Variants in NEXMIF observed in about 807,000 individuals in gnomAD.
NEXMIF encodes the protein neurite extension and migration factor, also known as XLMR protein related to neurite extension.
Under a neutral mutation model 62.1 loss-of-function variants are expected in NEXMIF, and 8 were observed. The ratio of observed to expected loss-of-function variants is 0.13; its 90% CI spans 0.08 to 0.23. The LOEUF is 0.23. Ranked by LOEUF, NEXMIF falls within the 10% of genes least tolerant of loss-of-function variation. The pLI, the probability that NEXMIF is intolerant of heterozygous loss-of-function variation, is 1.00. For synonymous variants in NEXMIF, 404 were observed against 416.6 expected, an observed-to-expected ratio of 0.97 and a Z score of 0.37; for missense variants, 976 against 1,113.3, an observed-to-expected ratio of 0.88 and a Z score of 1.75.
chrX:74,787,723 G>C (rs567260657), intron 1 of NEXMIF, among the ~76,000 whole-genome samples: 2 of 111,991 alleles, frequency 1.8e-5, no homozygotes, highest in African/African-American at 3.2e-5. Flanking sequence ...GTTTTCCCCA[G>C]CTTACCTCTT....
chrX:74,751,621 C>A (rs993278337), intron 1 of NEXMIF, among the ~76,000 whole-genome samples: 1 of 97,270 alleles, frequency 1.0e-5, no homozygotes, highest in Non-Finnish European at 2.0e-5. Context: ...GCTACCATCA[C>A]GCCCTTCCTT....
intron 1 of NEXMIF, among the ~76,000 whole-genome samples, chrX:74,917,052 A>G (rs957708975): frequency 1.8e-5 from 2 of 111,574 alleles, no homozygotes; most frequent in East Asian, 5.6e-4. Flanking sequence ...GACAACAAGC[A>G]ATAAACATTT....
chrX:74,915,567 T>G (rs886606704), intron 1 of NEXMIF, among the ~76,000 whole-genome samples: 4 of 112,215 alleles, frequency 3.6e-5, no homozygotes, highest in Non-Finnish European at 5.6e-5. Flanking sequence ...AAATTGCAGA[T>G]AGAATTATGG....
rs748710524 is a variant in NEXMIF, at chrX:74,739,432, C to G, written c.4524G>C (p.Glu1508Asp). ...AAATGTCTTTCTGGAAAATGCGAGT[C>G]TCTTCTTCAAACACAGGTAAAACCC... ...TFWVLPVFEE[E>D]TRIFQKDI Residue 1508 changes from glutamate to aspartate, a missense_variant, in exon 4 of 4, where the codon GAG becomes GAC. Coordinates refer to ENST00000055682, the MANE Select transcript of NEXMIF (RefSeq NM_001008537.3). The G allele has an allele frequency of 1.7e-6, 2 of 1,198,965 alleles. No homozygotes were observed.
chrX:74,757,929 A>G (rs775899816), intron 1 of NEXMIF, among the ~76,000 whole-genome samples: 3 of 111,972 alleles, frequency 2.7e-5, no homozygotes, highest in Non-Finnish European at 5.6e-5. Context: ...CACTAGGGAA[A>G]TAACCTTTTA....
chrX:74,737,249 A>G lies in NEXMIF; in HGVS notation c.*2156T>C, dbSNP rs2080087603. 1 of 111,666 alleles carries G rather than the reference A, an allele frequency of 9.0e-6. No individual in the cohort carries two copies. The highest frequency in any genetic ancestry group is 1.9e-5 in the Non-Finnish European group (1 of 53,144). The allele number at this position is 111,666 out of a possible 1,213,427, so 9.2% of individuals were successfully genotyped here. A position where few individuals can be genotyped will look rare whatever the true frequency, so the allele number is the denominator to read the frequency against. On this transcript the variant is annotated 3_prime_UTR_variant, in exon 4 of 4. Transcript: ENST00000055682. ...CCAAAATTCAGCTGCAAAACAGAAAAATCAAAAACAAAAACAAAAACAAAA... is the reference window on the plus strand; with the variant it reads ...CCAAAATTCAGCTGCAAAACAGAAAGATCAAAAACAAAAACAAAAACAAAA...
chrX:74,873,709 T>C (rs754047242), intron 1 of NEXMIF, among the ~76,000 whole-genome samples: 1 of 112,393 alleles, frequency 8.9e-6, no homozygotes, highest in South Asian at 3.7e-4. Context: ...GGTGATCTCA[T>C]TGTGGTTTTG....
chrX:74,925,062 C>G lies in NEXMIF; in HGVS notation c.-227G>C. On this transcript the variant is annotated 5_prime_UTR_variant, in exon 1 of 4. Transcript: ENST00000055682. ...CCGCCGCCTCTGCCTCAGCTCCATA[C>G]GCTGGGCCCGCCAGGTGGACGCGCC... 1 of 119,196 alleles carries G rather than the reference C, an allele frequency of 8.4e-6. No individual in the cohort carries two copies. The highest frequency in any genetic ancestry group is 1.8e-5 in the Non-Finnish European group (1 of 56,880). The allele number at this position is 119,196 out of a possible 1,213,427, so 9.8% of individuals were successfully genotyped here. A position where few individuals can be genotyped will look rare whatever the true frequency, so the allele number is the denominator to read the frequency against.
chrX:74,913,832 G>A (rs1158914223), intron 1 of NEXMIF, among the ~76,000 whole-genome samples: 1 of 111,599 alleles, frequency 9.0e-6, no homozygotes, highest in African/African-American at 3.3e-5. Context: ...AGGAATGAAT[G>A]GGAAATCAAT....
intron 1 of NEXMIF, among the ~76,000 whole-genome samples, chrX:74,878,248 G>A (rs1321949550): frequency 2.7e-5 from 3 of 111,744 alleles, no homozygotes; most frequent in East Asian, 2.8e-4. Context: ...GTACCCGGCC[G>A]TGTGAGGTAT....
intron 1 of NEXMIF, among the ~76,000 whole-genome samples, chrX:74,806,999 C>T (rs1460597821): frequency 8.9e-6 from 1 of 112,071 alleles, no homozygotes; most frequent in Non-Finnish European, 1.9e-5. Flanking sequence ...TTTTGTTTTT[C>T]CTCTTCAACA....
chrX:74,750,849 T>G (rs2080139807), intron 1 of NEXMIF, among the ~76,000 whole-genome samples: 2 of 111,657 alleles, frequency 1.8e-5, no homozygotes, highest in Non-Finnish European at 3.8e-5. Context: ...CAAGAAGAGA[T>G]TACTACAGCT....
chrX:74,923,043 G>C (rs779553398), intron 1 of NEXMIF, among the ~76,000 whole-genome samples: 82 of 111,376 alleles, frequency 7.4e-4, no homozygotes, highest in Non-Finnish European at 1.3e-3. Flanking sequence ...TAGATTTTCG[G>C]GGAGGTGAAA....
At chrX:74,918,687 G>A (rs2080815882) in intron 1 of NEXMIF, among the ~76,000 whole-genome samples, 1 of 112,449 alleles carries the variant, frequency 8.9e-6, no homozygotes, top group African/African-American at 3.2e-5. Flanking sequence ...ATCATGAAAT[G>A]TGGACTCATC....
chrX:74,839,438 G>T (rs909044342), intron 1 of NEXMIF, among the ~76,000 whole-genome samples: 10 of 111,551 alleles, frequency 9.0e-5, no homozygotes, highest in African/African-American at 3.3e-4. Flanking sequence ...TTTTAGGTTT[G>T]GGGGTACATG....
At chrX:74,823,474 T>A (rs1284539760) in intron 1 of NEXMIF, among the ~76,000 whole-genome samples, 1 of 111,887 alleles carries the variant, frequency 8.9e-6, no homozygotes, top group Non-Finnish European at 1.9e-5. Context: ...CATTGTGACA[T>A]CTGAATGCTA....
chrX:74,746,276 A>G (rs1171539338), intron 1 of NEXMIF, among the ~76,000 whole-genome samples: 2 of 112,235 alleles, frequency 1.8e-5, no homozygotes, highest in Non-Finnish European at 3.8e-5. Context: ...CAGGACTTTA[A>G]CTTGGACTTT....
intron 1 of NEXMIF, among the ~76,000 whole-genome samples, chrX:74,828,838 CTT>C (rs760566852): frequency 8.9e-6 from 1 of 111,821 alleles, no homozygotes; most frequent in South Asian, 3.7e-4. Context: ...TATCTAATCT[CTT>C]CTTTGCTCAT....
Position 74,842,509 on chromosome X carries a change from C to T in NEXMIF, c.-48+82374G>A, listed in dbSNP as rs151020681. 5.4e-5 allele frequency among the ~76,000 whole-genome samples: 6 copies of T among 111,111 alleles called. No individual in the cohort carries two copies. The East Asian group carries it at 1.7e-3, about 32-fold the overall frequency. ...GATTTTTTTTATTTCTTGTCTTCTG[C>T]GAGCTTTGGAGTTGATTTGTTCTTA... On this transcript the variant is annotated intron_variant, in intron 1 of 3. Transcript: ENST00000055682.
Sources: gnomAD v4.1 joint callset for allele counts (sites outside exome capture counted in the v4.1 genomes callset) on GRCh38, gnomAD v4.1.1 for gene constraint, MANE v1.5 for transcripts, NCBI Gene and HGNC (gene_info 2026-07-23, HGNC 2026-07-21) for gene names.